The following ST6GALNAC3 variants were observed in gnomAD, a reference collection of about 807,000 sequenced individuals.
The protein encoded by ST6GALNAC3 is alpha-N-acetylgalactosaminide alpha-2,6-sialyltransferase 3.
ST6GALNAC3 carries 25 observed loss-of-function variants against 32.7 expected under a neutral mutation model. The observed-to-expected ratio is 0.76, with a 90% CI of 0.56 to 1.07. The LOEUF (loss-of-function observed/expected upper bound fraction) is 1.07. Among genes scored for constraint, ST6GALNAC3 ranks in the 50% least tolerant of loss-of-function variants. The pLI is 0.00. For synonymous variants in ST6GALNAC3, 129 were observed against 133.1 expected (o/e 0.97, Z 0.21); for missense variants, 355 against 382.4 (o/e 0.93, Z 0.60).
chr1:76,277,232 A>C (rs1006182931), intron 1 of ST6GALNAC3, among the ~76,000 whole-genome samples: 2 of 151,878 alleles, frequency 1.3e-5, no homozygotes, highest in Admixed American at 6.6e-5. Flanking sequence ...CTCCAACCTC[A>C]TATATATTTG....
intron 1 of ST6GALNAC3, among the ~76,000 whole-genome samples, chr1:76,155,029 T>C (rs1286017381): frequency 6.6e-6 from 1 of 152,214 alleles, no homozygotes; most frequent in Non-Finnish European, 1.5e-5. Context: ...TTTTATTTTT[T>C]ATTTTTTTTG....
In ST6GALNAC3 at chr1:76,336,012, C is replaced by A. The variant is rs971976611; in HGVS notation, c.213+22013C>A. ...AGTGCATGGATTTTAATAAGGACTCCTATTGCTGAGAAGGATAATAAGTGA... is the reference window on the plus strand; with the variant it reads ...AGTGCATGGATTTTAATAAGGACTCATATTGCTGAGAAGGATAATAAGTGA... On this transcript the variant is annotated intron_variant, in intron 2 of 4. Transcript: ENST00000328299. Among the ~76,000 whole-genome samples the A allele has an allele frequency of 5.9e-5, 9 of 152,160 alleles. No individual in the cohort carries two copies. In the South Asian group the frequency reaches 1.9e-3, roughly 31 times the overall value.
intron 3 of ST6GALNAC3, among the ~76,000 whole-genome samples, chr1:76,422,685 G>A (rs1455009985): frequency 3.9e-5 from 6 of 151,962 alleles, no homozygotes; most frequent in African/African-American, 9.7e-5. Flanking sequence ...AGAATTCCAG[G>A]CAATGTTGCT....
intron 3 of ST6GALNAC3, among the ~76,000 whole-genome samples, chr1:76,484,163 C>G (rs1224466547): frequency 6.6e-6 from 1 of 152,132 alleles, no homozygotes; most frequent in African/African-American, 2.4e-5. Context: ...CATGATGCCT[C>G]CAGCTTTGTT....
At chr1:76,344,089 A>C (rs1648292357) in intron 2 of ST6GALNAC3, among the ~76,000 whole-genome samples, 2 of 152,238 alleles carry the variant, frequency 1.3e-5, no homozygotes, top group South Asian at 2.1e-4. Flanking sequence ...TTGAGTTACA[A>C]ATTGTCAAAG....
At chr1:76,167,815 G>C (rs1005731996) in intron 1 of ST6GALNAC3, among the ~76,000 whole-genome samples, 1 of 152,162 alleles carries the variant, frequency 6.6e-6, no homozygotes, top group East Asian at 1.9e-4. Context: ...TTGTATTTCT[G>C]TGGGGTCAGT....
chr1:76,417,076 G>GCTTT (rs1042430305), intron 3 of ST6GALNAC3, among the ~76,000 whole-genome samples: 14 of 152,168 alleles, frequency 9.2e-5, no homozygotes, highest in African/African-American at 3.4e-4. Context: ...AATTTAATTT[G>GCTTT]CTTTCTTTTT....
In ST6GALNAC3 at chr1:76,534,021, T is replaced by G. The variant is rs186646317; in HGVS notation, c.624-93431T>G. On this transcript the variant is annotated intron_variant, in intron 3 of 4. Coordinates refer to ENST00000328299, the MANE Select transcript of ST6GALNAC3 (RefSeq NM_152996.4). ...CATGTGTTAAATTTCATCTGTTTTT[T>G]ACTTTATTTACCCAGTCCTATATCT... Among the ~76,000 whole-genome samples the G allele has an allele frequency of 1.2e-3, 178 of 152,240 alleles. 1 individual carries two copies. Among genetic ancestry groups the G allele is most frequent in the Non-Finnish European group, 1.2e-4 (8 of 68,016 alleles).
At chr1:76,446,412 G>C (rs1026742292) in intron 3 of ST6GALNAC3, among the ~76,000 whole-genome samples, 2 of 152,140 alleles carry the variant, frequency 1.3e-5, no homozygotes, top group African/African-American at 4.8e-5. Context: ...GGACAAATGT[G>C]TGGTCACATG....
chr1:76,109,283 T>G (rs1384362439), intron 1 of ST6GALNAC3, among the ~76,000 whole-genome samples: 1 of 152,130 alleles, frequency 6.6e-6, no homozygotes, highest in African/African-American at 2.4e-5. Flanking sequence ...TTCCTCCCCA[T>G]TAAGAGTAAT....
chr1:76,572,774 T>C (rs1646727526), intron 3 of ST6GALNAC3, among the ~76,000 whole-genome samples: 1 of 152,156 alleles, frequency 6.6e-6, no homozygotes, highest in South Asian at 2.1e-4. Context: ...GTGAATTAGT[T>C]GATGAAGGAA....
chr1:76,604,270 G>T (rs147795396), intron 3 of ST6GALNAC3, among the ~76,000 whole-genome samples: 96 of 152,232 alleles, frequency 6.3e-4, no homozygotes, highest in African/African-American at 2.3e-3. Context: ...GACGTTAAAG[G>T]TTCTGTAATC....
intron 1 of ST6GALNAC3, among the ~76,000 whole-genome samples, chr1:76,238,767 A>G (rs572646761): frequency 6.6e-6 from 1 of 152,248 alleles, no homozygotes; most frequent in African/African-American, 2.4e-5. Flanking sequence ...TAGGTGTGAG[A>G]TAGATTATTT....
intron 1 of ST6GALNAC3, among the ~76,000 whole-genome samples, chr1:76,219,741 G>T (rs754352796): frequency 2.1e-4 from 32 of 152,334 alleles, no homozygotes; most frequent in Non-Finnish European, 4.1e-4. Flanking sequence ...ATTTGATAGT[G>T]TGCCATTTTC....
chr1:76,625,875 C>T (rs750217508), intron 3 of ST6GALNAC3, among the ~76,000 whole-genome samples: 5 of 151,734 alleles, frequency 3.3e-5, no homozygotes, highest in Non-Finnish European at 4.4e-5. Flanking sequence ...CCAGAAGATG[C>T]GAAGGAATGG....
chr1:76,097,735 C>A (rs1048184345), intron 1 of ST6GALNAC3, among the ~76,000 whole-genome samples: 2 of 151,946 alleles, frequency 1.3e-5, no homozygotes, highest in Admixed American at 1.3e-4. Flanking sequence ...ATTTATCTAT[C>A]CATTTGGCCA....
chr1:76,370,953 CT>C (rs1650768090), intron 2 of ST6GALNAC3, among the ~76,000 whole-genome samples: 1 of 152,000 alleles, frequency 6.6e-6, no homozygotes, highest in Admixed American at 6.6e-5. Flanking sequence ...TCATTTTTAT[CT>C]TTGCCCTTGT....
chr1:76,139,441 G>T (rs183425031), intron 1 of ST6GALNAC3, among the ~76,000 whole-genome samples: 1 of 152,074 alleles, frequency 6.6e-6, no homozygotes, highest in Non-Finnish European at 1.5e-5. Context: ...TACATGGACT[G>T]TTTCTTGGGA....
intron 1 of ST6GALNAC3, among the ~76,000 whole-genome samples, chr1:76,153,493 C>T (rs940263984): frequency 6.6e-6 from 1 of 152,134 alleles, no homozygotes; most frequent in South Asian, 2.1e-4. Flanking sequence ...TGCGAAATTA[C>T]ACCTGAGATG....
Sources: gnomAD v4.1 joint callset for allele counts (sites outside exome capture counted in the v4.1 genomes callset) on GRCh38, gnomAD v4.1.1 for gene constraint, MANE v1.5 for transcripts, NCBI Gene and HGNC (gene_info 2026-07-23, HGNC 2026-07-21) for gene names.